Variants in HSPBAP1 observed in about 807,000 individuals in gnomAD.
HSPBAP1 encodes HSPB1 associated protein 1.
HSPBAP1 carries 27 observed loss-of-function variants against 45.2 expected under a neutral mutation model. The observed-to-expected ratio is 0.60, with a 90% CI of 0.44 to 0.82. HSPBAP1 has a LOEUF of 0.82. Among genes scored for constraint, HSPBAP1 ranks in the 40% least tolerant of loss-of-function variants. The pLI is 0.00. For missense variants in HSPBAP1, 510 were observed against 590.9 expected, an observed-to-expected ratio of 0.86 and a Z score of 1.42; for synonymous variants, 204 against 202.7, an observed-to-expected ratio of 1.01 and a Z score of -0.06.
intron 6 of HSPBAP1, chr3:122,741,483 G>C (rs887834419): frequency 1.1e-5 from 2 of 177,736 alleles, no homozygotes; most frequent in African/African-American, 4.8e-5. Flanking sequence ...AATTATTTCA[G>C]AGATGGAAGA....
chr3:122,787,910 A>T (rs1025674074), intron 1 of HSPBAP1, among the ~76,000 whole-genome samples: 3 of 152,232 alleles, frequency 2.0e-5, no homozygotes, highest in African/African-American at 7.2e-5. Flanking sequence ...ACACAAACTA[A>T]GAAAATTCTC....
chr3:122,758,563 A>G (rs1257096313), intron 4 of HSPBAP1, among the ~76,000 whole-genome samples: 1 of 152,178 alleles, frequency 6.6e-6, no homozygotes, highest in Non-Finnish European at 1.5e-5. Context: ...ATTTGAAGAA[A>G]GGGTGTTCCC....
intron 1 of HSPBAP1, among the ~76,000 whole-genome samples, chr3:122,779,523 T>TATTTATTTA (rs1553756437): frequency 3.7e-5 from 5 of 135,588 alleles, no homozygotes; most frequent in African/African-American, 5.3e-5. Flanking sequence ...TTTATTTATT[T>TATTTATTTA]TTTATTGATC....
chr3:122,765,454 G>A (rs765245595), intron 3 of HSPBAP1, among the ~76,000 whole-genome samples: 2 of 151,888 alleles, frequency 1.3e-5, no homozygotes, highest in East Asian at 1.9e-4. Context: ...GGTGGTGCAC[G>A]CCTGTAATCC....
chr3:122,768,684 G>A lies in HSPBAP1; in HGVS notation c.432+17C>T. On this transcript the variant is annotated intron_variant, in intron 3 of 7. Transcript: ENST00000306103. ...AAACAAATTCCTACCAAGATTAGAAGGAAGGTTCTGACTTACCTGGAAAAG... is the reference window on the plus strand; with the variant it reads ...AAACAAATTCCTACCAAGATTAGAAAGAAGGTTCTGACTTACCTGGAAAAG... The A allele has an allele frequency of 2.6e-6, 4 of 1,559,100 alleles. No homozygotes were observed. The highest frequency in any genetic ancestry group is 3.5e-6 in the Non-Finnish European group (4 of 1,134,330).
Position 122,783,454 on chromosome 3 carries a change from T to G in HSPBAP1, c.65-5548A>C, listed in dbSNP as rs150169992. ...TTTTTAAAGTTTTGCTGTAGACTAC[T>G]TGTACAAAACGTCAAATTTCTCCTC... On this transcript the variant is annotated intron_variant, in intron 1 of 7. Transcript: ENST00000306103. Among the ~76,000 whole-genome samples the G allele has an allele frequency of 1.2e-4, 19 of 152,316 alleles. No individual in the cohort carries two copies. In the East Asian group the frequency reaches 3.7e-3, roughly 29 times the overall value.
intron 3 of HSPBAP1, 95 bp downstream of exon 3, chr3:122,768,606 A>AG (rs1244179154): frequency 3.9e-6 from 3 of 777,598 alleles, no homozygotes; most frequent in African/African-American, 1.7e-5. Flanking sequence ...TACTTATGAG[A>AG]GAAAAAGGCA....
chr3:122,746,291 C>CCG (rs1933845405), intron 6 of HSPBAP1, among the ~76,000 whole-genome samples: 1 of 133,186 alleles, frequency 7.5e-6, no homozygotes. Flanking sequence ...AAAAAAAAAT[C>CCG]AAAAGGTTTT....
At chr3:122,759,951 C>A (rs1035432771) in intron 3 of HSPBAP1, among the ~76,000 whole-genome samples, 3 of 152,168 alleles carry the variant, frequency 2.0e-5, no homozygotes, top group Non-Finnish European at 4.4e-5. Context: ...AATGCTGGAG[C>A]CTTAGCTCAT....
At chr3:122,741,996 A>C (rs1253485748) in intron 6 of HSPBAP1, among the ~76,000 whole-genome samples, 1 of 152,066 alleles carries the variant, frequency 6.6e-6, no homozygotes, top group Non-Finnish European at 1.5e-5. Flanking sequence ...TACCCTATGG[A>C]CCAGCAATAC....
chr3:122,740,535 C>T lies in HSPBAP1; in HGVS notation c.1277G>A (p.Gly426Glu), dbSNP rs781219848. The T allele has an allele frequency of 6.2e-7, 1 of 1,614,200 alleles. No homozygotes were observed. The highest frequency in any genetic ancestry group is 1.1e-5 in the South Asian group (1 of 91,084). The change falls in exon 8 of 8, where the codon GGA (glycine) becomes GAA (glutamate). Residue 426 changes from glycine (G) to glutamate (E), a missense_variant. Physicochemically the swap from Gly to Glu is moderately conservative, Grantham distance 98 (BLOSUM62 -2). Coordinates refer to ENST00000306103, the MANE Select transcript of HSPBAP1 (RefSeq NM_024610.6). ...DFVDKDGEHFGKLHCAKRQQI... is the reference protein window; with the variant it reads ...DFVDKDGEHFEKLHCAKRQQI... ...TTGTCTCTTGGCACAATGCAATTTT[C>T]CAAAGTGTTCTCCATCCTTGTCCAC...
chr3:122,784,180 G>A (rs2107540621), intron 1 of HSPBAP1, among the ~76,000 whole-genome samples: 1 of 152,108 alleles, frequency 6.6e-6, no homozygotes, highest in Non-Finnish European at 1.5e-5. Flanking sequence ...GGCATATTTG[G>A]GGGTGGCATA....
intron 3 of HSPBAP1, chr3:122,761,608 C>G (rs1392225213): frequency 1.7e-5 from 2 of 118,478 alleles, no homozygotes; most frequent in African/African-American, 6.4e-5. Context: ...TCTGTCTCTA[C>G]AAAAAGGTTT....
chr3:122,760,524 G>A (rs16833512), intron 3 of HSPBAP1, among the ~76,000 whole-genome samples: 25,891 of 144,300 alleles, frequency 0.18, 3,159 homozygotes, highest in East Asian at 0.54. Flanking sequence ...GGATGGTTTT[G>A]AGGAAGACTA....
rs1238446710 is a variant in HSPBAP1 at position 122,793,598 on chromosome 3, A to C, written c.64+19T>G. ...GCATTGGGTTTGTACTCAGGGTCGG[A>C]CCTCAGCCTGGCACCTACCTTCCTC... On this transcript the variant is annotated intron_variant, in intron 1 of 7. Coordinates refer to ENST00000306103, the MANE Select transcript of HSPBAP1 (RefSeq NM_024610.6). 1 of 1,612,488 alleles carries C rather than the reference A, an allele frequency of 6.2e-7. No homozygotes were observed. Among genetic ancestry groups the C allele is most frequent in the African/African-American group, 1.3e-5 (1 of 74,912 alleles).
At chr3:122,742,649 T>G (rs1212462600) in intron 6 of HSPBAP1, among the ~76,000 whole-genome samples, 1 of 152,244 alleles carries the variant, frequency 6.6e-6, no homozygotes, top group Non-Finnish European at 1.5e-5. Flanking sequence ...TACAATCAAC[T>G]GACTTTATGT....
chr3:122,772,082 C>G (rs1233498528), intron 2 of HSPBAP1, among the ~76,000 whole-genome samples: 2 of 152,160 alleles, frequency 1.3e-5, no homozygotes, highest in Admixed American at 6.5e-5. Context: ...TCCTTCGTAA[C>G]AGTTATAATA....
rs1396949638 is a variant in HSPBAP1, at chr3:122,775,186, G to T, written c.250+2535C>A. ...TTAAAATACAAAAAGGCCTACATGG[G>T]CATACCTCAAAATATAACTAGTGAT... On this transcript the variant is annotated intron_variant, in intron 2 of 7. Coordinates refer to ENST00000306103, the MANE Select transcript of HSPBAP1 (RefSeq NM_024610.6). Among the ~76,000 whole-genome samples the T allele has an allele frequency of 2.0e-5, 3 of 151,618 alleles. No individual in the cohort carries two copies. In the East Asian group the frequency reaches 5.8e-4, roughly 29 times the overall value.
chr3:122,779,800 G>A (rs1167925136), intron 1 of HSPBAP1, among the ~76,000 whole-genome samples: 1 of 151,890 alleles, frequency 6.6e-6, no homozygotes, highest in South Asian at 2.1e-4. Flanking sequence ...CACAGCACAT[G>A]TTTCAGAGAG....
Sources: gnomAD v4.1 joint callset for allele counts (sites outside exome capture counted in the v4.1 genomes callset) on GRCh38, gnomAD v4.1.1 for gene constraint, MANE v1.5 for transcripts, NCBI Gene and HGNC (gene_info 2026-07-23, HGNC 2026-07-21) for gene names.